The following MCHR2 variants were observed in gnomAD, a reference collection of about 807,000 sequenced individuals.
MCHR2 encodes melanin concentrating hormone receptor 2, also known as melanin-concentrating hormone receptor 2.
Under a neutral mutation model 24.8 loss-of-function variants are expected in MCHR2, and 15 were observed. That is an observed-to-expected ratio of 0.60 (90% CI 0.40 to 0.93). The LOEUF (loss-of-function observed/expected upper bound fraction) is 0.93, where lower values mean the gene tolerates loss of function less well. Ranked by LOEUF, MCHR2 falls within the 40% of genes least tolerant of loss-of-function variation. The pLI is 0.00. For missense variants in MCHR2, 386 were observed against 408.7 expected (o/e 0.94, Z 0.48); for synonymous variants, 151 against 147.6 (o/e 1.02, Z -0.17).
intron 5 of MCHR2, among the ~76,000 whole-genome samples, chr6:99,933,921 CTT>C (rs1407340948): frequency 6.6e-6 from 1 of 151,930 alleles, no homozygotes; most frequent in East Asian, 1.9e-4. Flanking sequence ...TAGGTTAACT[CTT>C]TGGTTTCATT....
chr6:99,922,021 A>T (rs559524131), intron 5 of MCHR2, among the ~76,000 whole-genome samples: 3 of 151,818 alleles, frequency 2.0e-5, no homozygotes, highest in Non-Finnish European at 2.9e-5. Flanking sequence ...TTATCTATTG[A>T]TCTGTTGATG....
At chr6:99,934,336 T>C (rs949864474) in intron 5 of MCHR2, 62 bp downstream of exon 5, 63 of 1,406,982 alleles carry the variant, frequency 4.5e-5, no homozygotes, top group Non-Finnish European at 5.3e-5. Flanking sequence ...TAAGTTTCTA[T>C]TGTAGATGTC....
chr6:99,947,772 T>G lies in MCHR2; in HGVS notation c.382A>C (p.Ser128Arg), dbSNP rs1208111144. The G allele has an allele frequency of 1.2e-6, 2 of 1,613,604 alleles. No individual in the cohort carries two copies. Among genetic ancestry groups the G allele is most frequent in the South Asian group, 2.2e-5 (2 of 91,040 alleles). The change falls in exon 3 of 6, where the codon AGT becomes CGT. Residue 128 changes from serine (S) to arginine (R), a missense_variant. Transcript: ENST00000281806. ...AAGTCTTTCACTTACCTGTCCACAC[T>G]CATTACAGTCATGATGGCACTACAG... Reference protein sequence around the residue: ...FACSAIMTVMSVDRYFALVQP... With the variant: ...FACSAIMTVMRVDRYFALVQP...
chr6:99,956,581 T>C (rs1209581122), intron 1 of MCHR2, among the ~76,000 whole-genome samples: 1 of 152,124 alleles, frequency 6.6e-6, no homozygotes, highest in African/African-American at 2.4e-5. Context: ...CTCTGTCTGC[T>C]ATAAAATGCA....
intron 4 of MCHR2, among the ~76,000 whole-genome samples, chr6:99,941,144 TG>T (rs1458864733): frequency 2.0e-5 from 3 of 150,782 alleles, no homozygotes; most frequent in Non-Finnish European, 3.0e-5. Context: ...AACTGTGAGT[TG>T]GGGGGAAGTT....
intron 1 of MCHR2, among the ~76,000 whole-genome samples, chr6:99,967,258 T>C (rs527677504): frequency 6.6e-5 from 10 of 152,166 alleles, no homozygotes; most frequent in Admixed American, 2.0e-4. Flanking sequence ...CATCTATGTA[T>C]ACTGACATCT....
intron 5 of MCHR2, among the ~76,000 whole-genome samples, chr6:99,930,718 G>T (rs1453531455): frequency 6.6e-6 from 1 of 152,020 alleles, no homozygotes; most frequent in Non-Finnish European, 1.5e-5. Context: ...CTCTGTATTG[G>T]TTATTCTAGT....
chr6:99,936,822 C>A (rs968978039), intron 4 of MCHR2, among the ~76,000 whole-genome samples: 1 of 151,878 alleles, frequency 6.6e-6, no homozygotes, highest in African/African-American at 2.4e-5. Context: ...AATTAATCAA[C>A]ACGGAATATC....
intron 5 of MCHR2, among the ~76,000 whole-genome samples, chr6:99,924,234 C>T (rs1774304198): frequency 6.6e-6 from 1 of 151,998 alleles, no homozygotes; most frequent in Non-Finnish European, 1.5e-5. Flanking sequence ...CTTTGAATTT[C>T]TGCAGTATCA....
chr6:99,961,217 T>G (rs1340660140), intron 1 of MCHR2, among the ~76,000 whole-genome samples: 1 of 151,832 alleles, frequency 6.6e-6, no homozygotes, highest in Non-Finnish European at 1.5e-5. Flanking sequence ...AGGAACACTT[T>G]TTTTTTTAGA....
intron 1 of MCHR2, among the ~76,000 whole-genome samples, chr6:99,964,157 C>A (rs1775249205): frequency 6.6e-6 from 1 of 152,090 alleles, no homozygotes; most frequent in Admixed American, 6.6e-5. Flanking sequence ...GAAACTCCCA[C>A]CACTGGTGGC....
At chr6:99,965,072 G>A (rs2114556848) in intron 1 of MCHR2, among the ~76,000 whole-genome samples, 2 of 152,246 alleles carry the variant, frequency 1.3e-5, no homozygotes, top group Middle Eastern at 6.8e-3. Context: ...TGATTCAGAA[G>A]GACCCTGATG....
chr6:99,989,549 A>G (rs561783218), intron 1 of MCHR2, among the ~76,000 whole-genome samples: 26 of 152,192 alleles, frequency 1.7e-4, no homozygotes, highest in Non-Finnish European at 3.2e-4. Flanking sequence ...GTCAGGCTCT[A>G]AAACTATGTG....
chr6:99,925,088 G>A (rs1385247377), intron 5 of MCHR2, among the ~76,000 whole-genome samples: 1 of 151,966 alleles, frequency 6.6e-6, no homozygotes, highest in Non-Finnish European at 1.5e-5. Flanking sequence ...CTCCAGTGTT[G>A]GGTGAATATA....
chr6:99,992,887 G>A (rs920756444), intron 1 of MCHR2, among the ~76,000 whole-genome samples: 7 of 152,104 alleles, frequency 4.6e-5, no homozygotes, highest in African/African-American at 1.4e-4. Flanking sequence ...ACCCAATCCA[G>A]TCATTTCCAG....
intron 1 of MCHR2, among the ~76,000 whole-genome samples, chr6:99,985,566 A>G (rs559972780): frequency 1.3e-4 from 20 of 152,268 alleles, no homozygotes; most frequent in African/African-American, 4.8e-4. Context: ...TGACAAAAAC[A>G]TACACTGGGG....
At chr6:99,947,722 C>T in intron 3 of MCHR2, 40 bp downstream of exon 3, 2 of 1,588,834 alleles carry the variant, frequency 1.3e-6, no homozygotes, top group Middle Eastern at 1.7e-4. Flanking sequence ...GCACAGGCAC[C>T]TCTGAATTAT....
At chr6:99,939,086 G>A (rs1774723819) in intron 4 of MCHR2, among the ~76,000 whole-genome samples, 1 of 151,988 alleles carries the variant, frequency 6.6e-6, no homozygotes, top group Admixed American at 6.6e-5. Flanking sequence ...TATAGGTGAA[G>A]TGGGTTTCTT....
intron 1 of MCHR2, among the ~76,000 whole-genome samples, chr6:99,972,009 G>C (rs1295757192): frequency 1.3e-5 from 2 of 152,162 alleles, no homozygotes; most frequent in African/African-American, 4.8e-5. Flanking sequence ...CAAGGATATT[G>C]GTCTAAAATT....
Sources: allele counts gnomAD v4.1 joint callset (sites outside exome capture counted in the v4.1 genomes callset), GRCh38; gene constraint gnomAD v4.1.1; transcripts MANE v1.5; gene names NCBI Gene and HGNC (gene_info 2026-07-23, HGNC 2026-07-21).